The following GFPT1 variants were observed in gnomAD, a reference collection of about 807,000 sequenced individuals.
GFPT1 encodes glutamine--fructose-6-phosphate aminotransferase [isomerizing] 1.
In GFPT1, 40 loss-of-function variants were observed where a neutral mutation model predicts 92.0. The observed-to-expected ratio is 0.43, with a 90% confidence interval of 0.34 to 0.57. The LOEUF (loss-of-function observed/expected upper bound fraction) is 0.57, where lower values mean the gene tolerates loss of function less well. Among genes scored for constraint, GFPT1 ranks in the 20% least tolerant of loss-of-function variants. The pLI is 0.02. For missense variants in GFPT1, 448 were observed against 869.1 expected (o/e 0.52, Z 6.09); for synonymous variants, 269 against 280.6 (o/e 0.96, Z 0.41).
Position 69,354,287 on chromosome 2 carries a change from G to C in GFPT1, c.711C>G (p.Phe237Leu), listed in dbSNP as rs748691767. The change falls in exon 9 of 20, where the codon TTC becomes TTG. Residue 237 changes from phenylalanine to leucine, a missense_variant. Physicochemically the swap from Phe to Leu is conservative, Grantham distance 22. Transcript: ENST00000357308. ...RTARTQIGSK[F>L]TRWGSQGERG... ...TTTCTCCCTGTGATCCCCACCGTGT[G>C]AATTTTGATCCAATCTGAGTCCTAG... 26 of 1,592,306 alleles carry C rather than the reference G, an allele frequency of 1.6e-5. No homozygotes were observed. The highest frequency in any genetic ancestry group is 2.2e-5 in the Non-Finnish European group (26 of 1,176,152).
intron 3 of GFPT1, among the ~76,000 whole-genome samples, chr2:69,368,999 G>A (rs1005708878): frequency 6.6e-6 from 1 of 151,980 alleles, no homozygotes; most frequent in Non-Finnish European, 1.5e-5. Context: ...TCCCAGTCTC[G>A]TCAACTTGTG....
chr2:69,353,218 A>C (rs143778598), intron 9 of GFPT1, among the ~76,000 whole-genome samples: 1,732 of 152,192 alleles, frequency 0.011, 30 homozygotes, highest in African/African-American at 0.039. Context: ...CAATATAGCA[A>C]GACTCCATTT....
At chr2:69,344,870 C>T (rs1392693879) in intron 12 of GFPT1, among the ~76,000 whole-genome samples, 1 of 151,830 alleles carries the variant, frequency 6.6e-6, no homozygotes, top group Non-Finnish European at 1.5e-5. Flanking sequence ...TGAGCTCAAG[C>T]GATCCTCCCG....
At chr2:69,329,232 A>C (rs1670602389) in intron 17 of GFPT1, 65 bp downstream of exon 17, 2 of 1,460,652 alleles carry the variant, frequency 1.4e-6, no homozygotes, top group Admixed American at 1.7e-5. Flanking sequence ...TTAATGTAAA[A>C]GTATGACTAT....
chr2:69,369,344 T>C (rs1186846943), intron 3 of GFPT1, among the ~76,000 whole-genome samples: 2 of 152,208 alleles, frequency 1.3e-5, no homozygotes, highest in Non-Finnish European at 2.9e-5. Context: ...ATACTTGCGG[T>C]TTCCTGGGTT....
At position 69,321,278 on chromosome 2, in the gene GFPT1, C is replaced by A. The variant is rs1670397145; in HGVS notation, c.*4911G>T. The A allele has an allele frequency of 6.6e-6, 1 of 152,124 alleles. No homozygotes were observed. The highest frequency in any genetic ancestry group is 1.5e-5 in the Non-Finnish European group (1 of 68,024). The allele number at this position is 152,124 out of a possible 1,614,324, so 9.4% of individuals were successfully genotyped here. A position where few individuals can be genotyped will look rare whatever the true frequency, so the allele number is the denominator to read the frequency against. ...GAGTTTGGTATCAGAAAGGGCAGAG[C>A]CTTTGTTTTATCTAACGATTCTTTC... On this transcript the variant is annotated 3_prime_UTR_variant, in exon 20 of 20. Transcript: ENST00000357308.
Position 69,331,838 on chromosome 2 carries a change from A to G in GFPT1, c.1483-2040T>C, listed in dbSNP as rs573603928. Among the ~76,000 whole-genome samples the G allele has an allele frequency of 2.9e-3, 444 of 152,246 alleles. 3 individuals carry two copies. Among genetic ancestry groups the G allele is most frequent in the African/African-American group, 8.4e-3 (350 of 41,560 alleles). On this transcript the variant is annotated intron_variant, in intron 15 of 19. Coordinates refer to ENST00000357308, the MANE Select transcript of GFPT1 (RefSeq NM_001244710.2). ...TAGATTAAAGTTTATTTTTCTGTGA[A>G]TAAAACGTATTCAATACAATACTAT... is the stretch of plus-strand genomic sequence containing the variant.
chr2:69,331,330 G>C (rs2079483507), intron 15 of GFPT1, among the ~76,000 whole-genome samples: 1 of 151,824 alleles, frequency 6.6e-6, no homozygotes, highest in Non-Finnish European at 1.5e-5. Context: ...TTCAACTTGA[G>C]TTTCTTTATT....
rs1670441189 is a variant in GFPT1 at position 69,322,571 on chromosome 2, AACTC to A, written c.*3614_*3617del. On this transcript the variant is annotated 3_prime_UTR_variant, in exon 20 of 20. Transcript: ENST00000357308. The stretch of plus-strand genomic sequence containing the variant: ...CTTTATTACTCCCATCCTCAGAACT[AACTC>A]AAGACAAGAGATCTGTATTCAAAAA... The A allele has an allele frequency of 6.6e-6, 1 of 152,220 alleles. No homozygotes were observed. Among genetic ancestry groups the A allele is most frequent in the African/African-American group, 2.4e-5 (1 of 41,448 alleles). The allele number at this position is 152,220 out of a possible 1,614,324, so 9.4% of individuals were successfully genotyped here.
chr2:69,385,912 G>A (rs1024851720), intron 1 of GFPT1, among the ~76,000 whole-genome samples: 5 of 151,146 alleles, frequency 3.3e-5, no homozygotes, highest in Non-Finnish European at 7.4e-5. Context: ...TTAAATACAG[G>A]AAATATATAC....
intron 1 of GFPT1, among the ~76,000 whole-genome samples, chr2:69,383,219 T>C (rs935786368): frequency 6.6e-6 from 1 of 152,234 alleles, no homozygotes; most frequent in Non-Finnish European, 1.5e-5. Flanking sequence ...AGGTATATAT[T>C]TAGAACTTTC....
intron 13 of GFPT1, among the ~76,000 whole-genome samples, 176 bp downstream of exon 13, chr2:69,341,976 G>C (rs959896864): frequency 6.6e-5 from 10 of 152,082 alleles, no homozygotes; most frequent in Non-Finnish European, 1.2e-4. Context: ...ATCTTCCATG[G>C]ATAAATAATT....
chr2:69,359,135 T>G (rs1195700620), intron 5 of GFPT1, 133 bp downstream of exon 5: 1 of 687,636 alleles, frequency 1.5e-6, no homozygotes, highest in Non-Finnish European at 2.7e-6. Flanking sequence ...TAAACCACCG[T>G]GCCCTTGGAA....
chr2:69,375,395 T>C (rs1671847139), intron 1 of GFPT1, among the ~76,000 whole-genome samples: 1 of 152,244 alleles, frequency 6.6e-6, no homozygotes, highest in Admixed American at 6.5e-5. Flanking sequence ...AGTGTGATCC[T>C]ACTGAAATAT....
In GFPT1 at chr2:69,359,304, T is replaced by C; in HGVS notation, c.372A>G (p.Gly124=). The C allele has an allele frequency of 6.3e-7, 1 of 1,581,334 alleles. No individual in the cohort carries two copies. ...TCAAGTCTTTGTAGTTGGTGATGAT[T>C]CCATTGTGAATAACGATAAATTCTA... ...KNNEFIVIHN[G]IITNYKDLKK... is the part of the protein sequence containing the mutation. The change falls in exon 5 of 20, where the codon GGA becomes GGG. Residue 124 remains glycine (G), a synonymous_variant. Transcript: ENST00000357308.
At chr2:69,377,263 A>G (rs927428323) in intron 1 of GFPT1, among the ~76,000 whole-genome samples, 3 of 151,538 alleles carry the variant, frequency 2.0e-5, no homozygotes, top group Non-Finnish European at 1.5e-5. Context: ...ACTGTTTTTA[A>G]TAATGTAACT....
At chr2:69,339,220 C>T (rs998423735) in intron 13 of GFPT1, among the ~76,000 whole-genome samples, 1 of 152,088 alleles carries the variant, frequency 6.6e-6, no homozygotes, top group Non-Finnish European at 1.5e-5. Flanking sequence ...TCATGTAATA[C>T]CCATGTTAGG....
At chr2:69,378,974 G>A (rs979098968) in intron 1 of GFPT1, among the ~76,000 whole-genome samples, 2 of 152,114 alleles carry the variant, frequency 1.3e-5, no homozygotes, top group African/African-American at 2.4e-5. Flanking sequence ...TAGGCCAGGA[G>A]CAGTGGCTCA....
In GFPT1 at chr2:69,323,821, G is replaced by A. The variant is rs572137795; in HGVS notation, c.*2368C>T. ...CTCCCAAGTAGTTGGGACTACAGGC[G>A]CACGCCACCACTCCCAGCTAATTTT... On this transcript the variant is annotated 3_prime_UTR_variant, in exon 20 of 20. Transcript: ENST00000357308. 2.4e-3 allele frequency: 362 copies of A among 152,336 alleles called. No homozygotes were observed. The highest frequency in any genetic ancestry group is 3.6e-3 in the Non-Finnish European group (248 of 68,282). 9.4% of individuals were successfully genotyped at this position (152,336 alleles called of 1,614,324 possible). A position where few individuals can be genotyped will look rare whatever the true frequency, so the allele number is the denominator to read the frequency against.
Sources: allele counts gnomAD v4.1 joint callset (sites outside exome capture counted in the v4.1 genomes callset), GRCh38; gene constraint gnomAD v4.1.1; transcripts MANE v1.5; gene names NCBI Gene and HGNC (gene_info 2026-07-23, HGNC 2026-07-21).